Variants in ESRRG observed in about 807,000 individuals in gnomAD.
ESRRG encodes the protein estrogen-related receptor gamma.
ESRRG carries 13 observed loss-of-function variants against 44.0 expected under a neutral mutation model. The observed-to-expected ratio is 0.30, with a 90% CI of 0.19 to 0.47. ESRRG has a LOEUF of 0.47. Ranked by LOEUF, ESRRG falls within the 20% of genes least tolerant of loss-of-function variation. The pLI is 1.00. For synonymous variants in ESRRG, 215 were observed against 214.6 expected (o/e 1.00, Z -0.02); for missense variants, 395 against 580.6 (o/e 0.68, Z 3.29).
chr1:217,008,877 A>G (rs1019937182), intron 1 of ESRRG, among the ~76,000 whole-genome samples: 2 of 152,122 alleles, frequency 1.3e-5, no homozygotes, highest in Non-Finnish European at 2.9e-5. Flanking sequence ...CCCACCAAAA[A>G]CCAGGTATAT....
At chr1:216,874,799 A>G (rs1300009775) in intron 2 of ESRRG, among the ~76,000 whole-genome samples, 1 of 152,220 alleles carries the variant, frequency 6.6e-6, no homozygotes, top group Non-Finnish European at 1.5e-5. Context: ...AGCTGCCAGC[A>G]CAGCTAGAAT....
upstream of ESRRG, among the ~76,000 whole-genome samples, chr1:216,724,764 C>A (rs1410314869): frequency 1.3e-5 from 2 of 152,076 alleles, no homozygotes; most frequent in African/African-American, 4.8e-5. Context: ...TTCCATATAA[C>A]AAAGAGTTTG....
intron 2 of ESRRG, among the ~76,000 whole-genome samples, chr1:216,784,160 C>CT (rs11572619): frequency 6.0e-5 from 9 of 150,986 alleles, no homozygotes; most frequent in South Asian, 4.2e-4. Context: ...CTGAGAGTTT[C>CT]TTTTTTTTTA....
chr1:216,751,324 G>A (rs914462651), intron 2 of ESRRG, among the ~76,000 whole-genome samples: 4 of 152,164 alleles, frequency 2.6e-5, no homozygotes, highest in African/African-American at 9.7e-5. Context: ...CAGCAAAAGA[G>A]ATGAAGGGAC....
At chr1:216,811,582 T>C (rs1482717307) in intron 2 of ESRRG, among the ~76,000 whole-genome samples, 2 of 152,222 alleles carry the variant, frequency 1.3e-5, no homozygotes, top group Admixed American at 6.5e-5. Flanking sequence ...TCTTGAGGAT[T>C]AGGCTCCAAT....
At chr1:216,826,882 A>G (rs2095406531) in intron 2 of ESRRG, among the ~76,000 whole-genome samples, 1 of 152,186 alleles carries the variant, frequency 6.6e-6, no homozygotes, top group Admixed American at 6.5e-5. Context: ...CTCTGCAATA[A>G]TCAGTTGATC....
intron 1 of ESRRG, among the ~76,000 whole-genome samples, chr1:217,088,120 A>G (rs979678741): frequency 6.6e-6 from 1 of 151,248 alleles, no homozygotes; most frequent in African/African-American, 2.4e-5. Flanking sequence ...TCTCTAAGAC[A>G]TTTCCGACTC....
chr1:216,975,613 C>A (rs1157254050), intron 1 of ESRRG, among the ~76,000 whole-genome samples: 1 of 152,180 alleles, frequency 6.6e-6, no homozygotes, highest in Admixed American at 6.6e-5. Context: ...AAAAGACACT[C>A]AGAATTCTGA....
rs202005574 is a variant in ESRRG, at chr1:217,075,586, CT to C, written c.-106+13920del. On this transcript the variant is annotated intron_variant, in intron 1 of 7. Coordinates refer to the ESRRG transcript ENST00000359162. ...TTCCCACACTCGCTTCAAATTGCTC[CT>C]TTCCCCCCCCCAACATTAATTACTA... Among the ~76,000 whole-genome samples, 937 of 133,644 alleles carry C rather than the reference CT, an allele frequency of 7.0e-3. 10 individuals are homozygous for C. Among genetic ancestry groups the C allele is most frequent in the African/African-American group, 0.024 (875 of 36,670 alleles). The allele number at this position is 133,644 out of a possible 152,430, so 87.7% of individuals were successfully genotyped here. A position where few individuals can be genotyped will look rare whatever the true frequency, so the allele number is the denominator to read the frequency against.
intron 3 of ESRRG, among the ~76,000 whole-genome samples, chr1:216,607,421 T>C (rs2060075216): frequency 2.0e-5 from 3 of 152,168 alleles, no homozygotes; most frequent in African/African-American, 7.2e-5. Flanking sequence ...GTGAGCACAA[T>C]GGTCAGGAAG....
At chr1:216,622,487 T>C (rs980824412) in intron 3 of ESRRG, among the ~76,000 whole-genome samples, 3 of 152,172 alleles carry the variant, frequency 2.0e-5, no homozygotes, top group African/African-American at 4.8e-5. Flanking sequence ...GACTCCATAC[T>C]TGAAATTCCC....
chr1:216,518,142 G>C (rs951989584), intron 6 of ESRRG, among the ~76,000 whole-genome samples: 3 of 152,132 alleles, frequency 2.0e-5, no homozygotes, highest in African/African-American at 7.2e-5. Flanking sequence ...AAAGCAATCT[G>C]GTTTTTCATT....
chr1:217,010,721 G>A (rs2078440197), intron 1 of ESRRG, among the ~76,000 whole-genome samples: 2 of 152,304 alleles, frequency 1.3e-5, no homozygotes, highest in Admixed American at 6.5e-5. Context: ...AGAAGCTATA[G>A]AATGACTATC....
rs367837450 is a variant in ESRRG, at chr1:216,694,056, T to C, written c.57-16565A>G. 3.3e-5 allele frequency among the ~76,000 whole-genome samples: 5 copies of C among 152,304 alleles called. No homozygotes were observed. The East Asian group carries it at 7.7e-4, about 23-fold the overall frequency. Reference sequence around the variant, plus strand: ...AAACCCAAAAACCTGCTGTGTGAAGTAGTAAAATGATTATAAGATTTTTAA... The same window carrying C: ...AAACCCAAAAACCTGCTGTGTGAAGCAGTAAAATGATTATAAGATTTTTAA... On this transcript the variant is annotated intron_variant, in intron 1 of 6. Coordinates refer to ENST00000408911, the MANE Select transcript of ESRRG (RefSeq NM_001438.4).
chr1:216,833,526 A>G (rs2095518376), intron 2 of ESRRG, among the ~76,000 whole-genome samples: 1 of 152,204 alleles, frequency 6.6e-6, no homozygotes, highest in Admixed American at 6.5e-5. Flanking sequence ...TTCAAGATCC[A>G]GATTCATCGT....
intron 5 of ESRRG, among the ~76,000 whole-genome samples, chr1:216,546,342 G>A (rs2054507621): frequency 6.6e-6 from 1 of 151,470 alleles, no homozygotes; most frequent in South Asian, 2.1e-4. Context: ...AGCTTGTCTG[G>A]GTCTGTGCAG....
chr1:216,566,914 A>G (rs1002085199), intron 4 of ESRRG, among the ~76,000 whole-genome samples: 3 of 152,206 alleles, frequency 2.0e-5, no homozygotes, highest in Non-Finnish European at 2.9e-5. Flanking sequence ...CATAGCTAAA[A>G]TGTCCTTTCA....
chr1:217,046,489 A>T (rs2084904774), intron 1 of ESRRG, among the ~76,000 whole-genome samples: 1 of 152,160 alleles, frequency 6.6e-6, no homozygotes, highest in Admixed American at 6.5e-5. Context: ...GCTCCTACCT[A>T]CATTTATAGC....
chr1:216,616,177 G>T (rs763747394), intron 3 of ESRRG, among the ~76,000 whole-genome samples: 13 of 152,116 alleles, frequency 8.5e-5, no homozygotes, highest in African/African-American at 2.9e-4. Context: ...CTGGATCCTG[G>T]CTGTCACTAC....
Sources: gnomAD v4.1 joint callset for allele counts (sites outside exome capture counted in the v4.1 genomes callset) on GRCh38, gnomAD v4.1.1 for gene constraint, MANE v1.5 for transcripts, NCBI Gene and HGNC (gene_info 2026-07-23, HGNC 2026-07-21) for gene names.